Variants in SNX29 observed in about 807,000 individuals in gnomAD.
The protein encoded by SNX29 is sorting nexin 29, also known as sorting nexin-29.
SNX29 carries 78 observed loss-of-function variants against 102.1 expected under a neutral mutation model. The ratio of observed to expected loss-of-function variants is 0.76; its 90% CI spans 0.64 to 0.92. SNX29 has a LOEUF of 0.92. Among genes scored for constraint, SNX29 ranks in the 40% least tolerant of loss-of-function variants. The pLI is 0.00. For synonymous variants in SNX29, 580 were observed against 414.5 expected (o/e 1.40, Z -4.85); for missense variants, 1,280 against 1,061.7 (o/e 1.21, Z -2.86).
At chr16:12,197,028 G>T (rs1358158947) in intron 13 of SNX29, among the ~76,000 whole-genome samples, 2 of 152,228 alleles carry the variant, frequency 1.3e-5, no homozygotes, top group African/African-American at 4.8e-5. Context: ...AGTTGGAGAT[G>T]AACAGGGAAG....
chr16:12,352,260 G>T (rs1373831728), intron 15 of SNX29, among the ~76,000 whole-genome samples: 1 of 151,916 alleles, frequency 6.6e-6, no homozygotes, highest in Non-Finnish European at 1.5e-5. Flanking sequence ...GCAAACTATG[G>T]CAAGGACAAA....
At chr16:12,294,607 C>T (rs909127023) in intron 15 of SNX29, among the ~76,000 whole-genome samples, 29 of 152,174 alleles carry the variant, frequency 1.9e-4, no homozygotes, top group East Asian at 9.6e-4. Context: ...TAGCTGGTCC[C>T]GCCTCCCTGC....
rs1461664307 is a variant in SNX29 at position 11,993,850 on chromosome 16, G to A, written c.8-5447G>A. Among the ~76,000 whole-genome samples the A allele has an allele frequency of 2.0e-5, 3 of 152,206 alleles. No individual in the cohort carries two copies. In the East Asian group the frequency reaches 5.8e-4, roughly 29 times the overall value. On this transcript the variant is annotated intron_variant, in intron 1 of 20. Transcript: ENST00000566228. ...ACATTGAAGACAAAGGCCGGGCGCG[G>A]TGGCTCATGCCTGTAATCCCAACAC...
At chr16:12,008,555 C>T (rs1377955617) in intron 3 of SNX29, among the ~76,000 whole-genome samples, 1 of 152,164 alleles carries the variant, frequency 6.6e-6, no homozygotes, top group African/African-American at 2.4e-5. Flanking sequence ...AGGCATGAGC[C>T]ACCGCACCCG....
chr16:12,088,999 T>C (rs568175761), intron 11 of SNX29, among the ~76,000 whole-genome samples: 8 of 151,964 alleles, frequency 5.3e-5, no homozygotes, highest in Non-Finnish European at 8.8e-5. Context: ...AGGCAGAGAA[T>C]TGCTTAAACC....
intron 20 of SNX29, among the ~76,000 whole-genome samples, chr16:12,566,537 C>T (rs542459208): frequency 3.3e-5 from 5 of 152,196 alleles, no homozygotes; most frequent in African/African-American, 7.2e-5. Flanking sequence ...AAGAGCATGA[C>T]AGGAGGGGGT....
At chr16:12,462,203 G>A (rs1261689884) in intron 18 of SNX29, among the ~76,000 whole-genome samples, 5 of 151,332 alleles carry the variant, frequency 3.3e-5, no homozygotes, top group Non-Finnish European at 7.4e-5. Flanking sequence ...CCTGCAGCCT[G>A]GGCTGGACCC....
At chr16:12,186,514 C>T (rs2076513676) in intron 13 of SNX29, among the ~76,000 whole-genome samples, 1 of 152,170 alleles carries the variant, frequency 6.6e-6, no homozygotes, top group East Asian at 1.9e-4. Flanking sequence ...TGATAAAATG[C>T]AGGAAATGTA....
At position 12,398,446 on chromosome 16, in the gene SNX29, G is replaced by C. The variant is rs756085086; in HGVS notation, c.1900G>C (p.Val634Leu). ...CCTCTCCCCCTTCTCCTGATGGTAG[G>C]TGCCTGGAGATTTGAGTCAAACGTC... Reference protein sequence around the residue: ...RQELIDLRGPVPGDLSQTSED... With the variant: ...RQELIDLRGPLPGDLSQTSED... Residue 634 changes from valine to leucine, a missense_variant and splice_region_variant, in exon 17 of 21, where the codon GTG (valine) becomes CTG (leucine). Val to Leu is a conservative substitution (Grantham distance 32). Transcript: ENST00000566228. The C allele has an allele frequency of 1.9e-6, 3 of 1,613,952 alleles. No homozygotes were observed. Among genetic ancestry groups the C allele is most frequent in the Non-Finnish European group, 1.7e-6 (2 of 1,179,860 alleles).
chr16:12,427,256 GGTTT>G (rs2085118481), intron 18 of SNX29, among the ~76,000 whole-genome samples: 2 of 151,800 alleles, frequency 1.3e-5, no homozygotes, highest in African/African-American at 4.8e-5. Context: ...TCATCTTCCA[GGTTT>G]GTTTGTCGTT....
At chr16:12,492,741 C>G (rs1216652071) in intron 19 of SNX29, among the ~76,000 whole-genome samples, 4 of 152,190 alleles carry the variant, frequency 2.6e-5, no homozygotes, top group Non-Finnish European at 5.9e-5. Flanking sequence ...TTTCAGCTTT[C>G]TACATATGGC....
intron 14 of SNX29, among the ~76,000 whole-genome samples, chr16:12,211,044 C>T (rs2077170724): frequency 6.6e-6 from 1 of 152,068 alleles, no homozygotes; most frequent in Admixed American, 6.6e-5. Flanking sequence ...GCTGTTTTTC[C>T]CACCACCTCC....
intron 18 of SNX29, among the ~76,000 whole-genome samples, chr16:12,444,665 C>T (rs987191776): frequency 3.9e-4 from 59 of 152,074 alleles, no homozygotes; most frequent in Admixed American, 3.9e-4. Context: ...GCGTTTTTCT[C>T]CATGGCCTCC....
rs61390803 is a variant in SNX29, at chr16:12,476,413, C to CATAT, written c.2038-1279_2038-1276dup. On this transcript the variant is annotated intron_variant, in intron 18 of 20. Coordinates refer to ENST00000566228, the MANE Select transcript of SNX29 (RefSeq NM_032167.5). ...ATATATATATATATATATATATATA[C>CATAT]ATATATATATATATATATATATATA... Among the ~76,000 whole-genome samples, 140 of 19,522 alleles carry CATAT rather than the reference C, an allele frequency of 7.2e-3. 1 individual carries two copies. Among genetic ancestry groups the CATAT allele is most frequent in the Non-Finnish European group, 0.012 (127 of 10,422 alleles). 12.8% of individuals were successfully genotyped at this position (19,522 alleles called of 152,430 possible).
intron 20 of SNX29, among the ~76,000 whole-genome samples, chr16:12,552,414 T>C (rs993865349): frequency 6.6e-6 from 1 of 152,172 alleles, no homozygotes; most frequent in Non-Finnish European, 1.5e-5. Flanking sequence ...GGTGAGGACG[T>C]GGTCAGTTCT....
chr16:12,024,677 G>C (rs1438286926), intron 3 of SNX29, among the ~76,000 whole-genome samples: 3 of 152,214 alleles, frequency 2.0e-5, no homozygotes, highest in Non-Finnish European at 4.4e-5. Context: ...GACTGGATTT[G>C]TGCAGTTCGC....
chr16:11,987,204 A>G (rs1037013259), intron 1 of SNX29, among the ~76,000 whole-genome samples: 1 of 151,202 alleles, frequency 6.6e-6, no homozygotes, highest in Admixed American at 6.6e-5. Context: ...GGCTGGGACT[A>G]CAGGTGTGTG....
chr16:12,060,949 G>C (rs374940504), intron 8 of SNX29: 1 of 441,756 alleles, frequency 2.3e-6, no homozygotes, highest in South Asian at 1.6e-5. Flanking sequence ...TTTTACCCAC[G>C]AGGGGCTCAG....
intron 16 of SNX29, among the ~76,000 whole-genome samples, chr16:12,371,432 G>A (rs1241982367): frequency 6.6e-6 from 1 of 152,078 alleles, no homozygotes; most frequent in Non-Finnish European, 1.5e-5. Context: ...GGAGAAGCTG[G>A]CACTATAGGT....
Sources: allele counts gnomAD v4.1 joint callset (sites outside exome capture counted in the v4.1 genomes callset), GRCh38; gene constraint gnomAD v4.1.1; transcripts MANE v1.5; gene names NCBI Gene and HGNC (gene_info 2026-07-23, HGNC 2026-07-21).